The following PRR12 variants were observed in gnomAD, a reference collection of about 807,000 sequenced individuals.
PRR12 encodes the protein proline-rich protein 12.
PRR12 carries 12 observed loss-of-function variants against 138.0 expected under a neutral mutation model. The ratio of observed to expected loss-of-function variants is 0.09; its 90% CI spans 0.06 to 0.14. PRR12 has a LOEUF of 0.14. Among genes scored for constraint, PRR12 ranks in the 10% least tolerant of loss-of-function variants. The probability of loss-of-function intolerance (pLI) is 1.00; values close to 1 mark genes in which losing one functional copy is unlikely to be tolerated. For missense variants in PRR12, 2,692 were observed against 2,861.3 expected (o/e 0.94, Z 1.35); for synonymous variants, 1,567 against 1,291.7 (o/e 1.21, Z -4.57).
Position 49,599,137 on chromosome 19 carries a change from C to T in PRR12, c.3679-135C>T. ...AGTCTTGTCCTCCTAGAATCTAAGA[C>T]AAGGGGTCTGCAGGTTTGAATTCTA... On this transcript the variant is annotated intron_variant, in intron 4 of 13. Coordinates refer to ENST00000418929, the MANE Select transcript of PRR12 (RefSeq NM_020719.3). The surrounding 1 kb of genome is among the most constrained non-coding windows in gnomAD (Gnocchi z 5.0). 1 of 840,106 alleles carries T rather than the reference C, an allele frequency of 1.2e-6. No homozygotes were observed. The highest frequency in any genetic ancestry group is 2.0e-5 in the South Asian group (1 of 50,908). 52.0% of individuals were successfully genotyped at this position (840,106 alleles called of 1,614,324 possible).
chr19:49,624,740 T>G, intron 11 of PRR12, 104 bp from the exon 12 acceptor site: 2 of 1,495,286 alleles, frequency 1.3e-6, no homozygotes, highest in Admixed American at 2.2e-5. Flanking sequence ...TCTCTCCTGA[T>G]CTGCAGCCTG....
At chr19:49,604,448 C>T (rs554041062) in intron 6 of PRR12, among the ~76,000 whole-genome samples, 205 of 151,644 alleles carry the variant, frequency 1.4e-3, no homozygotes, top group Non-Finnish European at 1.7e-3. Context: ...GAGGCCAAGA[C>T]GGGCAGATCA....
Position 49,599,571 on chromosome 19 carries a change from C to A in PRR12, c.3978C>A (p.Pro1326=). The A allele has an allele frequency of 6.3e-7, 1 of 1,594,086 alleles. No individual in the cohort carries two copies. The highest frequency in any genetic ancestry group is 2.3e-5 in the East Asian group (1 of 44,004). ...SVPARGLQPQ[P]PATPAVPHPP... is the part of the protein sequence containing the mutation. ...CAGCCCGAGGCCTGCAGCCCCAGCC[C>A]CCTGCCACCCCTGCTGTGCCACATC... Residue 1326 remains proline (P), a synonymous_variant, in exon 5 of 14, where the codon CCC becomes CCA. Transcript: ENST00000418929. The surrounding 1 kb of genome is among the most constrained non-coding windows in gnomAD (Gnocchi z 5.0).
chr19:49,597,255 C>T lies in PRR12; in HGVS notation c.2920C>T (p.Pro974Ser), dbSNP rs772856553. 9.5e-6 allele frequency: 15 copies of T among 1,573,720 alleles called. No homozygotes were observed. The highest frequency in any genetic ancestry group is 2.3e-5 in the East Asian group (1 of 43,144). ...KAGPPEDEGD[P>S]KAGAGPPPGP... is the part of the protein sequence containing the mutation. ...CGGGCCACCTGAGGACGAGGGGGAC[C>T]CCAAGGCTGGCGCTGGGCCACCCCC... Residue 974 changes from proline to serine, a missense_variant, in exon 4 of 14, where the codon CCC (proline) becomes TCC (serine). Physicochemically the swap from Pro to Ser is moderately conservative, Grantham distance 74. Coordinates refer to ENST00000418929, the MANE Select transcript of PRR12 (RefSeq NM_020719.3). This position sits in a 1 kb window ranked among gnomAD's most constrained non-coding sequence, Gnocchi z 6.3.
chr19:49,620,569 T>G, intron 10 of PRR12, 92 bp downstream of exon 10: 1 of 1,498,172 alleles, frequency 6.7e-7, no homozygotes, highest in Non-Finnish European at 9.0e-7. Context: ...AGAGGAGAGG[T>G]TTGGGGTCGG....
At chr19:49,620,578 G>A (rs1486850603) in intron 10 of PRR12, 101 bp downstream of exon 10, 5 of 1,483,182 alleles carry the variant, frequency 3.4e-6, no homozygotes, top group African/African-American at 1.4e-5. Context: ...GTTTGGGGTC[G>A]GGACTCCTGA....
rs1233222379 is a variant in PRR12 at position 49,591,200 on chromosome 19, T to G, written c.-455T>G. ...TCCCCTCCCCCCTCCCCCAGCCGCC[T>G]TGTGCAAAGATGGCTGCACCGTGAG... On this transcript the variant is annotated 5_prime_UTR_variant, in exon 1 of 14. Coordinates refer to ENST00000418929, the MANE Select transcript of PRR12 (RefSeq NM_020719.3). 1.2e-4 allele frequency among the ~76,000 whole-genome samples: 7 copies of G among 57,590 alleles called. No homozygotes were observed. The highest frequency in any genetic ancestry group is 1.3e-4 in the Non-Finnish European group (4 of 30,200). 37.8% of individuals were successfully genotyped at this position (57,590 alleles called of 152,430 possible). A position where few individuals can be genotyped will look rare whatever the true frequency, so the allele number is the denominator to read the frequency against.
chr19:49,625,082 G>A lies in PRR12; in HGVS notation c.5869-23G>A. 6.2e-7 allele frequency: 1 copy of A among 1,610,978 alleles called. No individual in the cohort carries two copies. The highest frequency in any genetic ancestry group is 8.5e-7 in the Non-Finnish European group (1 of 1,177,290). The stretch of plus-strand genomic sequence containing the variant: ...TGCCAAGTGCCGGGCTGGAGGGGCT[G>A]AGGCATCTCCACTCCTACCCAGGAG... On this transcript the variant is annotated intron_variant, in intron 12 of 13. Transcript: ENST00000418929. This position sits in a 1 kb window ranked among gnomAD's most constrained non-coding sequence, Gnocchi z 5.5.
At chr19:49,618,179 C>T (rs1388272339) in intron 9 of PRR12, among the ~76,000 whole-genome samples, 1 of 152,076 alleles carries the variant, frequency 6.6e-6, no homozygotes, top group Admixed American at 6.6e-5. Context: ...CTCTTGTTGA[C>T]CGGCTGTTTG....
Position 49,593,396 on chromosome 19 carries a change from C to G in PRR12, c.156C>G (p.Ala52=). Residue 52 remains alanine (A), a synonymous_variant, in exon 2 of 14, where the codon GCC becomes GCG. Transcript: ENST00000418929. ...TCTTACACCGCCAGGCCTATGCGGC[C>G]CCCCACCCACTGCAAAGCTATGCCA... is the stretch of plus-strand genomic sequence containing the variant. ...TDILHRQAYA[A]PHPLQSYATN... 1 of 1,611,734 alleles carries G rather than the reference C, an allele frequency of 6.2e-7. No individual in the cohort carries two copies. The highest frequency in any genetic ancestry group is 8.5e-7 in the Non-Finnish European group (1 of 1,178,878).
At chr19:49,598,302 C>T (rs1209337127) in intron 4 of PRR12, among the ~76,000 whole-genome samples, 1 of 151,982 alleles carries the variant, frequency 6.6e-6, no homozygotes, top group African/African-American at 2.4e-5. Context: ...TCTCGATCTC[C>T]TGGCCTCGTG....
chr19:49,612,556 G>T (rs1032162377), intron 6 of PRR12, among the ~76,000 whole-genome samples: 1 of 152,124 alleles, frequency 6.6e-6, no homozygotes, highest in African/African-American at 2.4e-5. Flanking sequence ...TCTGATCCCA[G>T]CTACAGTGTC....
In PRR12 at chr19:49,595,972, G is replaced by A. The variant is rs1461303693; in HGVS notation, c.1637G>A (p.Gly546Asp). 29 of 1,600,482 alleles carry A rather than the reference G, an allele frequency of 1.8e-5. No homozygotes were observed. The highest frequency in any genetic ancestry group is 2.2e-5 in the Non-Finnish European group (26 of 1,179,666). The change falls in exon 4 of 14, where the codon GGT becomes GAT. Residue 546 changes from glycine (G) to aspartate (D), a missense_variant. This residue lies in a region of PRR12 where 523 missense variants were observed against 496.4 expected (regional missense o/e 1.05). Transcript: ENST00000418929. ...TCCCCAGCGCTCTCGGGCCATGGGG[G>A]TGGCTGGGGACCCAGCTCCCTGGGA... Reference protein sequence around the residue: ...GHSPALSGHGGGWGPSSLGGG... With the variant: ...GHSPALSGHGDGWGPSSLGGG...
In PRR12 at chr19:49,599,569, C is replaced by T. The variant is rs1368225413; in HGVS notation, c.3976C>T (p.Pro1326Ser). 4 of 1,593,298 alleles carry T rather than the reference C, an allele frequency of 2.5e-6. No homozygotes were observed. The South Asian group carries it at 3.4e-5, about 13-fold the overall frequency. ...SVPARGLQPQ[P>S]PATPAVPHPP... ...GCCAGCCCGAGGCCTGCAGCCCCAGCCCCCTGCCACCCCTGCTGTGCCACA... is the reference window on the plus strand; with the variant it reads ...GCCAGCCCGAGGCCTGCAGCCCCAGTCCCCTGCCACCCCTGCTGTGCCACA... Residue 1326 changes from proline (P) to serine (S), a missense_variant, in exon 5 of 14, where the codon CCC (proline) becomes TCC (serine). Physicochemically the swap from Pro to Ser is moderately conservative, Grantham distance 74. This residue lies in a region of PRR12 where 326 missense variants were observed against 344.2 expected (regional missense o/e 0.95). Transcript: ENST00000418929. This position sits in a 1 kb window ranked among gnomAD's most constrained non-coding sequence, Gnocchi z 5.0.
In PRR12 at chr19:49,599,616, T is replaced by C. The variant is rs1387915246; in HGVS notation, c.4023T>C (p.Phe1341=). ...CACATCCCCCACCTTCCGGAGCCTT[T>C]GGGCTTGGGGGCGCCCTGGAGGCTG... ...AVPHPPPSGA[F]GLGGALEAAE... The change falls in exon 5 of 14, where the codon TTT becomes TTC. Residue 1341 remains phenylalanine (F), a synonymous_variant. Transcript: ENST00000418929. The surrounding 1 kb of genome is among the most constrained non-coding windows in gnomAD (Gnocchi z 5.0). 1.9e-6 allele frequency: 3 copies of C among 1,603,806 alleles called. No individual in the cohort carries two copies. Among genetic ancestry groups the C allele is most frequent in the Non-Finnish European group, 2.6e-6 (3 of 1,173,760 alleles).
Position 49,625,111 on chromosome 19 carries a change from A to G in PRR12, c.5875A>G (p.Lys1959Glu). The G allele has an allele frequency of 6.2e-7, 1 of 1,613,602 alleles. No homozygotes were observed. The highest frequency in any genetic ancestry group is 1.1e-5 in the South Asian group (1 of 91,074). ...CATCTCCACTCCTACCCAGGAGTTCAAGGTTGAGCTGGAAAAGTCGGGATA... is the reference window on the plus strand; with the variant it reads ...CATCTCCACTCCTACCCAGGAGTTCGAGGTTGAGCTGGAAAAGTCGGGATA... The part of the protein sequence containing the change: ...KRSVVRAQEF[K>E]VELEKSGYYT... The change falls in exon 13 of 14, where the codon AAG becomes GAG. Residue 1959 changes from lysine to glutamate, a missense_variant. By Grantham distance (56) the Lys-to-Glu change is moderately conservative. Transcript: ENST00000418929. This position sits in a 1 kb window ranked among gnomAD's most constrained non-coding sequence, Gnocchi z 5.5.
At position 49,621,542 on chromosome 19, in the gene PRR12, C is replaced by T; in HGVS notation, c.5641C>T (p.Pro1881Ser). Residue 1881 changes from proline to serine, a missense_variant, in exon 11 of 14, where the codon CCC (proline) becomes TCC (serine). Coordinates refer to ENST00000418929, the MANE Select transcript of PRR12 (RefSeq NM_020719.3). The part of the protein sequence containing the change: ...EDTHDELYLP[P>S]MRKIDGLLNE... Reference sequence around the variant, plus strand: ...TCCATCAGACGAGCTGTACCTGCCCCCCATGCGGAAGATAGACGGCCTGCT... The same window carrying T: ...TCCATCAGACGAGCTGTACCTGCCCTCCATGCGGAAGATAGACGGCCTGCT... The T allele has an allele frequency of 6.2e-7, 1 of 1,606,494 alleles. No individual in the cohort carries two copies. The highest frequency in any genetic ancestry group is 8.5e-7 in the Non-Finnish European group (1 of 1,176,762).
In PRR12 at chr19:49,622,942, GAGAGAGAGAGAGAGAA is replaced by G. The variant is rs1294289491; in HGVS notation, c.5721+1336_5721+1351del. On this transcript the variant is annotated intron_variant, in intron 11 of 13. Coordinates refer to ENST00000418929, the MANE Select transcript of PRR12 (RefSeq NM_020719.3). ...ATATATATATATAGAGAGAGAGAGA[GAGAGAGAGAGAGAGAA>G]AGAGAGAGAGAGAGAGATATTAATA... Among the ~76,000 whole-genome samples, 416 of 118,430 alleles carry G rather than the reference GAGAGAGAGAGAGAGAA, an allele frequency of 3.5e-3. 3 individuals are homozygous for G. Among genetic ancestry groups the G allele is most frequent in the African/African-American group, 5.6e-3 (140 of 25,016 alleles). 77.7% of individuals were successfully genotyped at this position (118,430 alleles called of 152,430 possible). A position where few individuals can be genotyped will look rare whatever the true frequency, so the allele number is the denominator to read the frequency against.
rs1225967222 is a variant in PRR12 at position 49,594,367 on chromosome 19, C to T, written c.200-87C>T. On this transcript the variant is annotated intron_variant, in intron 2 of 13. Coordinates refer to ENST00000418929, the MANE Select transcript of PRR12 (RefSeq NM_020719.3). The surrounding 1 kb of genome is among the most constrained non-coding windows in gnomAD (Gnocchi z 5.6). ...CTCCCATCCCCTCCTTTTCCTGATCCAACTTGCTTTTGGCCTCTTCCCTTT... is the reference window on the plus strand; with the variant it reads ...CTCCCATCCCCTCCTTTTCCTGATCTAACTTGCTTTTGGCCTCTTCCCTTT... 59 of 1,337,138 alleles carry T rather than the reference C, an allele frequency of 4.4e-5. No individual in the cohort carries two copies. The highest frequency in any genetic ancestry group is 1.9e-4 in the Middle Eastern group (1 of 5,258). The allele number at this position is 1,337,138 out of a possible 1,614,324, so 82.8% of individuals were successfully genotyped here. A position where few individuals can be genotyped will look rare whatever the true frequency, so the allele number is the denominator to read the frequency against.
Sources: allele counts gnomAD v4.1 joint callset (sites outside exome capture counted in the v4.1 genomes callset), GRCh38; gene constraint gnomAD v4.1.1; regional missense constraint gnomAD v4.1.1; non-coding constraint Gnocchi (gnomAD v3.1); transcripts MANE v1.5; gene names NCBI Gene and HGNC (gene_info 2026-07-23, HGNC 2026-07-21).